The following SLC28A3 variants were observed in gnomAD, a reference collection of about 807,000 sequenced individuals.
SLC28A3 encodes concentrative Na(+)-nucleoside cotransporter 3.
SLC28A3 carries 68 observed loss-of-function variants against 84.2 expected under a neutral mutation model. The observed-to-expected ratio is 0.81, with a 90% CI of 0.66 to 0.99. The LOEUF is 0.99. SLC28A3 is among the 50% of genes least tolerant of loss of function. The pLI is 0.00. For missense variants in SLC28A3, 712 were observed against 841.5 expected (o/e 0.85, Z 1.90); for synonymous variants, 267 against 303.6 (o/e 0.88, Z 1.25).
intron 16 of SLC28A3, 46 bp downstream of exon 16, chr9:84,279,929 C>G: frequency 6.3e-7 from 1 of 1,585,672 alleles, no homozygotes; most frequent in Middle Eastern, 1.7e-4. Flanking sequence ...CTGAAAGCTG[C>G]CATTCATCCT....
chr9:84,365,036 C>T, the SLC28A3 span, among the ~76,000 whole-genome samples: 1 of 152,178 alleles, frequency 6.6e-6, no homozygotes, highest in Non-Finnish European at 1.5e-5. Context: ...GGTATATACC[C>T]AGCAGTGGGA....
At chr9:84,309,498 G>C in intron 3 of SLC28A3, 131 bp downstream of exon 3, 1 of 661,194 alleles carries the variant, frequency 1.5e-6, no homozygotes. Context: ...ACTCCAGCCT[G>C]GGTGACAAAG....
chr9:84,309,466 T>A (rs1825908609), intron 3 of SLC28A3, among the ~76,000 whole-genome samples, 163 bp downstream of exon 3: 1 of 129,166 alleles, frequency 7.7e-6, no homozygotes, highest in Admixed American at 1.0e-4. Context: ...GAGGTTGCAA[T>A]GAGCCGAGAT....
intron 14 of SLC28A3, among the ~76,000 whole-genome samples, chr9:84,284,495 A>G (rs1340841725): frequency 6.6e-6 from 1 of 152,214 alleles, no homozygotes; most frequent in Non-Finnish European, 1.5e-5. Flanking sequence ...AACCTTAGGC[A>G]GGCTGCTTTT....
chr9:84,290,067 T>G (rs929591563), intron 11 of SLC28A3, 87 bp downstream of exon 11: 12 of 1,519,010 alleles, frequency 7.9e-6, no homozygotes. Flanking sequence ...CTTGGCCTCC[T>G]TTTTCCACCA....
chr9:84,357,127 G>A, the SLC28A3 span, among the ~76,000 whole-genome samples: 6 of 152,148 alleles, frequency 3.9e-5, no homozygotes, highest in South Asian at 2.1e-4. Context: ...CATTGACACA[G>A]CTCAAGCATG....
chr9:84,364,241 C>T, the SLC28A3 span, among the ~76,000 whole-genome samples: 1 of 151,304 alleles, frequency 6.6e-6, no homozygotes, highest in Non-Finnish European at 1.5e-5. Context: ...TCTCCTGCCT[C>T]AGCCTCCCGA....
At chr9:84,312,720 G>T (rs1243291646) in intron 2 of SLC28A3, among the ~76,000 whole-genome samples, 2 of 151,964 alleles carry the variant, frequency 1.3e-5, no homozygotes, top group Non-Finnish European at 1.5e-5. Context: ...TGTATTTTTA[G>T]TAGAGATGGG....
rs11383211 is a variant in SLC28A3 at position 84,323,427 on chromosome 9, T to TTA, written c.61-9974_61-9973insTA. Among the ~76,000 whole-genome samples, 3 of 30,222 alleles carry TTA rather than the reference T, an allele frequency of 9.9e-5. No homozygotes were observed. In the African/African-American group the frequency reaches 3.4e-3, roughly 34 times the overall value. 19.8% of individuals were successfully genotyped at this position (30,222 alleles called of 152,430 possible). A position where few individuals can be genotyped will look rare whatever the true frequency, so the allele number is the denominator to read the frequency against. ...GTCATTTTTATGATTCAGTACATGA[T>TTA]TTTTTTTTTTTTTTTGAGACGGAGT... On this transcript the variant is annotated intron_variant, in intron 1 of 17. Coordinates refer to ENST00000376238, the MANE Select transcript of SLC28A3 (RefSeq NM_001199633.2).
Position 84,278,166 on chromosome 9 carries a change from G to A in SLC28A3, c.*52C>T. 3 of 1,557,580 alleles carry A rather than the reference G, an allele frequency of 1.9e-6. No homozygotes were observed. The highest frequency in any genetic ancestry group is 2.4e-5 in the South Asian group (2 of 81,828). On this transcript the variant is annotated 3_prime_UTR_variant, in exon 18 of 18. Coordinates refer to ENST00000376238, the MANE Select transcript of SLC28A3 (RefSeq NM_001199633.2). ...AGCTTCTTTTTTTTTTCTTTCCAAA[G>A]CAGAAAATTCAGCATCTGTACTTCA...
chr9:84,362,912 G>T, the SLC28A3 span, among the ~76,000 whole-genome samples: 2 of 151,956 alleles, frequency 1.3e-5, no homozygotes, highest in Non-Finnish European at 2.9e-5. Flanking sequence ...TTAAATAACA[G>T]ATTTATAAAT....
At chr9:84,326,678 CAA>C in intron 1 of SLC28A3, among the ~76,000 whole-genome samples, 1 of 138,990 alleles carries the variant, frequency 7.2e-6, no homozygotes, top group Non-Finnish European at 1.6e-5. Context: ...ACAACAACAA[CAA>C]CAACCAGGTC....
intron 3 of SLC28A3, among the ~76,000 whole-genome samples, chr9:84,307,132 CAAAAAA>C (rs34204820): frequency 8.4e-6 from 1 of 119,670 alleles, no homozygotes; most frequent in Non-Finnish European, 1.8e-5. Context: ...CCGTCTCAAC[CAAAAAA>C]AAAAAAAAAA....
At chr9:84,336,087 G>T (rs1826966928) in intron 1 of SLC28A3, among the ~76,000 whole-genome samples, 1 of 48,360 alleles carries the variant, frequency 2.1e-5, no homozygotes, top group Admixed American at 2.8e-4. Context: ...AAATCAGCCT[G>T]GTGCAGTTGG....
At chr9:84,365,375 T>C in the SLC28A3 span, among the ~76,000 whole-genome samples, 1 of 152,040 alleles carries the variant, frequency 6.6e-6, no homozygotes, top group Admixed American at 6.6e-5. Context: ...GATTATTAGA[T>C]TTTTTTTCCT....
chr9:84,285,881 T>A (rs950996151), intron 13 of SLC28A3, 62 bp downstream of exon 13: 2 of 1,536,470 alleles, frequency 1.3e-6, no homozygotes, highest in Admixed American at 3.9e-5. Context: ...ACAAACCTAT[T>A]TTATTTTTAA....
chr9:84,290,039 G>T, intron 11 of SLC28A3, 115 bp downstream of exon 11: 1 of 1,400,428 alleles, frequency 7.1e-7, no homozygotes. Flanking sequence ...TTTGCCATAT[G>T]GCAAAAAAAG....
chr9:84,324,866 T>C (rs539310721), intron 1 of SLC28A3, among the ~76,000 whole-genome samples: 32 of 152,258 alleles, frequency 2.1e-4, no homozygotes, highest in African/African-American at 7.2e-4. Context: ...TGGCCCCTTT[T>C]GGACTACAGC....
At chr9:84,311,331 C>G (rs4877838) in intron 2 of SLC28A3, among the ~76,000 whole-genome samples, 49,607 of 151,844 alleles carry the variant, frequency 0.33, 8,624 homozygotes, top group East Asian at 0.62. Context: ...GGAGCTGAAA[C>G]TATAGAGATT....
Sources: allele counts gnomAD v4.1 joint callset (sites outside exome capture counted in the v4.1 genomes callset), GRCh38; gene constraint gnomAD v4.1.1; transcripts MANE v1.5; gene names NCBI Gene and HGNC (gene_info 2026-07-23, HGNC 2026-07-21).